MCC: variants seen among roughly 807,000 people sequenced by gnomAD.
MCC encodes MCC regulator of Wnt signaling pathway, also known as colorectal mutant cancer protein.
Under a neutral mutation model 116.2 loss-of-function variants are expected in MCC, and 90 were observed. The ratio of observed to expected loss-of-function variants is 0.77; its 90% CI spans 0.65 to 0.92. The LOEUF (loss-of-function observed/expected upper bound fraction) is 0.92, where lower values mean the gene tolerates loss of function less well. Among genes scored for constraint, MCC ranks in the 40% least tolerant of loss-of-function variants. MCC has a pLI of 0.00. For synonymous variants in MCC, 578 were observed against 510.5 expected (o/e 1.13, Z -1.78); for missense variants, 1,516 against 1,312.2 (o/e 1.16, Z -2.40).
chr5:113,150,581 GA>G lies in MCC; in HGVS notation c.741+727del, dbSNP rs1242536480. 3.3e-5 allele frequency among the ~76,000 whole-genome samples: 5 copies of G among 151,098 alleles called. No individual in the cohort carries two copies. The East Asian group carries it at 9.8e-4, about 30-fold the overall frequency. The stretch of plus-strand genomic sequence containing the variant: ...CATTTCAGTAATGATGACTACACTG[GA>G]AGGCAAAAAAGAAAGGCTAAAAACA... On this transcript the variant is annotated intron_variant, in intron 4 of 18. Coordinates refer to ENST00000408903, the MANE Select transcript of MCC (RefSeq NM_001085377.2).
At chr5:113,087,231 A>G (rs559539269) in intron 8 of MCC, among the ~76,000 whole-genome samples, 1 of 152,208 alleles carries the variant, frequency 6.6e-6, no homozygotes, top group African/African-American at 2.4e-5. Flanking sequence ...ATTCATCAAC[A>G]TATTAGAAGC....
chr5:113,413,076 T>C (rs894250406), intron 1 of MCC, among the ~76,000 whole-genome samples: 5 of 152,194 alleles, frequency 3.3e-5, no homozygotes, highest in African/African-American at 4.8e-5. Context: ...ATTACGTTGA[T>C]TGATTTGCGT....
intron 3 of MCC, among the ~76,000 whole-genome samples, chr5:113,313,172 C>G (rs1179734963): frequency 6.6e-6 from 1 of 152,022 alleles, no homozygotes; most frequent in Non-Finnish European, 1.5e-5. Context: ...TGGTGAAACC[C>G]CGTCTCTACT....
chr5:113,243,763 G>A (rs1366606434), intron 3 of MCC, among the ~76,000 whole-genome samples: 2 of 152,198 alleles, frequency 1.3e-5, no homozygotes, highest in Non-Finnish European at 2.9e-5. Context: ...CCTTGAGGAC[G>A]GGCTCATGGC....
chr5:113,459,218 A>G (rs1467719532), intron 1 of MCC, among the ~76,000 whole-genome samples: 1 of 145,616 alleles, frequency 6.9e-6, no homozygotes, highest in African/African-American at 2.6e-5. Context: ...ATGAATGAAG[A>G]CTCTGGAAAA....
chr5:113,043,450 T>C (rs1006981845), intron 17 of MCC, 80 bp downstream of exon 17: 1 of 1,287,440 alleles, frequency 7.8e-7, no homozygotes, highest in African/African-American at 1.5e-5. Flanking sequence ...CCTTCTCCTT[T>C]TGGGAGCAGC....
At chr5:113,488,180 G>A (rs1327484163) in intron 1 of MCC, 65 bp downstream of exon 1, 4 of 1,503,556 alleles carry the variant, frequency 2.7e-6, no homozygotes, top group African/African-American at 2.9e-5. Context: ...GGGCAGAGCA[G>A]GGGTCAAGGG....
intron 2 of MCC, among the ~76,000 whole-genome samples, chr5:113,366,483 G>T (rs1021076719): frequency 2.0e-5 from 3 of 151,944 alleles, no homozygotes; most frequent in African/African-American, 4.8e-5. Flanking sequence ...ATATTTCGAG[G>T]GTAATATATG....
chr5:113,416,000 T>C (rs1005487390), intron 1 of MCC, among the ~76,000 whole-genome samples: 1 of 152,210 alleles, frequency 6.6e-6, no homozygotes, highest in Non-Finnish European at 1.5e-5. Flanking sequence ...CCCTGTTGTT[T>C]GTTAGTTTCC....
At chr5:113,285,290 C>T (rs1766207373) in intron 3 of MCC, among the ~76,000 whole-genome samples, 1 of 152,024 alleles carries the variant, frequency 6.6e-6, no homozygotes, top group South Asian at 2.1e-4. Context: ...ACACAACTTT[C>T]CAGGCCTTTT....
intron 3 of MCC, among the ~76,000 whole-genome samples, chr5:113,156,644 G>A (rs1760188341): frequency 6.6e-6 from 1 of 152,172 alleles, no homozygotes; most frequent in Non-Finnish European, 1.5e-5. Flanking sequence ...AGGCCTAAAC[G>A]AGGTTGGATA....
At chr5:113,123,396 G>A (rs1383970144) in intron 5 of MCC, among the ~76,000 whole-genome samples, 4 of 152,186 alleles carry the variant, frequency 2.6e-5, no homozygotes, top group African/African-American at 9.7e-5. Context: ...AAAGAAAGTA[G>A]GTAGAACTAG....
At chr5:113,118,229 C>A (rs2150267026) in intron 6 of MCC, among the ~76,000 whole-genome samples, 1 of 152,332 alleles carries the variant, frequency 6.6e-6, no homozygotes, top group East Asian at 1.9e-4. Context: ...CCCACCCTCT[C>A]TTTTAACGGC....
At chr5:113,331,738 C>T (rs1002525187) in intron 3 of MCC, among the ~76,000 whole-genome samples, 1 of 151,374 alleles carries the variant, frequency 6.6e-6, no homozygotes, top group African/African-American at 2.5e-5. Flanking sequence ...TGGGTTCAAG[C>T]GATTCTCCTT....
At chr5:113,105,579 G>C (rs1756682273) in intron 6 of MCC, among the ~76,000 whole-genome samples, 1 of 152,134 alleles carries the variant, frequency 6.6e-6, no homozygotes, top group South Asian at 2.1e-4. Context: ...ACTCAGGTGA[G>C]CTCTGAGGCA....
chr5:113,084,952 C>T (rs1320134332), intron 9 of MCC, among the ~76,000 whole-genome samples: 1 of 152,246 alleles, frequency 6.6e-6, no homozygotes, highest in African/African-American at 2.4e-5. Context: ...TTAATGAGAG[C>T]TGGCGTCCAG....
intron 3 of MCC, among the ~76,000 whole-genome samples, chr5:113,190,314 G>A (rs566201057): frequency 1.3e-5 from 2 of 152,252 alleles, no homozygotes; most frequent in African/African-American, 2.4e-5. Flanking sequence ...AAGGTCTACC[G>A]GAAAGGATGA....
chr5:113,109,672 A>G (rs1160154496), intron 6 of MCC, among the ~76,000 whole-genome samples: 1 of 152,246 alleles, frequency 6.6e-6, no homozygotes, highest in African/African-American at 2.4e-5. Context: ...TAATAAATGT[A>G]TATCAGTGAG....
intron 1 of MCC, among the ~76,000 whole-genome samples, chr5:113,466,935 T>C (rs201062682): frequency 0.023 from 2,809 of 121,438 alleles, no homozygotes; most frequent in South Asian, 0.028. Flanking sequence ...TGATGGCCAG[T>C]GATGATGAGC....
Sources: allele counts gnomAD v4.1 joint callset (sites outside exome capture counted in the v4.1 genomes callset), GRCh38; gene constraint gnomAD v4.1.1; transcripts MANE v1.5; gene names NCBI Gene and HGNC (gene_info 2026-07-23, HGNC 2026-07-21).